The following ZFYVE16 variants were observed in gnomAD, a reference collection of about 807,000 sequenced individuals.
ZFYVE16 encodes the protein zinc finger FYVE-type containing 16, also known as zinc finger FYVE domain-containing protein 16.
In ZFYVE16, 89 loss-of-function variants were observed where a neutral mutation model predicts 138.1. The ratio of observed to expected loss-of-function variants is 0.64; its 90% CI spans 0.54 to 0.77. The LOEUF (loss-of-function observed/expected upper bound fraction) is 0.77, where lower values mean the gene tolerates loss of function less well. Ranked by LOEUF, ZFYVE16 falls within the 30% of genes least tolerant of loss-of-function variation. The probability of loss-of-function intolerance (pLI) is 0.00; values close to 1 mark genes in which losing one functional copy is unlikely to be tolerated. For missense variants in ZFYVE16, 1,793 were observed against 1,786.7 expected (o/e 1.00, Z -0.06); for synonymous variants, 596 against 618.3 (o/e 0.96, Z 0.53).
intron 4 of ZFYVE16, among the ~76,000 whole-genome samples, 173 bp from the exon 5 acceptor site, chr5:80,439,763 G>A (rs1192863480): frequency 1.3e-5 from 2 of 151,816 alleles, no homozygotes; most frequent in East Asian, 3.9e-4. Context: ...CCTCATTTAA[G>A]TTACAAAAAA....
chr5:80,447,134 C>T (rs896252106), intron 7 of ZFYVE16, among the ~76,000 whole-genome samples: 2 of 151,870 alleles, frequency 1.3e-5, no homozygotes, highest in African/African-American at 4.8e-5. Flanking sequence ...TATTGTGGCG[C>T]ATGCCTGTAG....
chr5:80,448,505 C>T (rs961436313), intron 8 of ZFYVE16, 101 bp downstream of exon 8: 13 of 1,162,368 alleles, frequency 1.1e-5, no homozygotes, highest in African/African-American at 1.6e-5. Flanking sequence ...AGTTTGGTTG[C>T]AATATGTACT....
chr5:80,480,899 C>CA lies in ZFYVE16; in HGVS notation c.*3530dup, dbSNP rs1001680012. On this transcript the variant is annotated 3_prime_UTR_variant, in exon 19 of 19. Coordinates refer to ENST00000505560, the MANE Select transcript of ZFYVE16 (RefSeq NM_001284236.3). ...CGTGCAACAGAGCAAAACCTTGTCT[C>CA]AAAAAAAAGGAAAAAGAAAAAAGAC... Among the ~76,000 whole-genome samples the CA allele has an allele frequency of 1.9e-4, 29 of 150,402 alleles. No individual in the cohort carries two copies. The highest frequency in any genetic ancestry group is 3.4e-3 in the Middle Eastern group (1 of 294).
intron 15 of ZFYVE16, among the ~76,000 whole-genome samples, 188 bp from the exon 16 acceptor site, chr5:80,472,573 T>TA (rs33928816): frequency 2.0e-5 from 3 of 151,618 alleles, no homozygotes; most frequent in Admixed American, 6.6e-5. Context: ...GTTTTAACCT[T>TA]AAAAAAAAAA....
Position 80,438,794 on chromosome 5 carries a change from T to C in ZFYVE16, c.2109T>C (p.Ser703=), listed in dbSNP as rs1221969230. The C allele has an allele frequency of 5.0e-6, 8 of 1,614,136 alleles. No homozygotes were observed. The highest frequency in any genetic ancestry group is 2.2e-5 in the East Asian group (1 of 44,874). ...STADPQVSFN[S]NYIDIESNSE... ...CTGATCCACAGGTTAGCTTCAACTC[T>C]AATTACATTGATATAGAAAGTAATT... The change falls in exon 4 of 19, where the codon TCT becomes TCC. Residue 703 remains serine, a synonymous_variant. Coordinates refer to ENST00000505560, the MANE Select transcript of ZFYVE16 (RefSeq NM_001284236.3).
intron 1 of ZFYVE16, among the ~76,000 whole-genome samples, chr5:80,424,249 C>T (rs1297797323): frequency 6.6e-6 from 1 of 151,962 alleles, no homozygotes; most frequent in African/African-American, 2.4e-5. Context: ...TGTCACTGTC[C>T]CTTAAACAGT....
rs775111725 is a variant in ZFYVE16 at position 80,443,192 on chromosome 5, C to T, written c.2489C>T (p.Thr830Ile). Reference sequence around the variant, plus strand: ...AAGTCTAATCATTCTGATGAATGTACTACTGTCCAGCCTCCTCAGGAGAAC... The same window carrying T: ...AAGTCTAATCATTCTGATGAATGTATTACTGTCCAGCCTCCTCAGGAGAAC... Reference protein sequence around the residue: ...NLKSNHSDECTTVQPPQENQT... With the variant: ...NLKSNHSDECITVQPPQENQT... Residue 830 changes from threonine to isoleucine, a missense_variant, in exon 6 of 19, where the codon ACT (threonine) becomes ATT (isoleucine). Thr to Ile is a moderately conservative substitution (Grantham distance 89). Coordinates refer to ENST00000505560, the MANE Select transcript of ZFYVE16 (RefSeq NM_001284236.3). 21 of 1,608,040 alleles carry T rather than the reference C, an allele frequency of 1.3e-5. No individual in the cohort carries two copies. Among genetic ancestry groups the T allele is most frequent in the Non-Finnish European group, 1.7e-5 (20 of 1,178,616 alleles).
chr5:80,431,944 C>G (rs553877280), intron 2 of ZFYVE16, among the ~76,000 whole-genome samples: 2 of 152,256 alleles, frequency 1.3e-5, no homozygotes, highest in South Asian at 2.1e-4. Flanking sequence ...AGGATACAAA[C>G]AAATGGAAGA....
intron 1 of ZFYVE16, among the ~76,000 whole-genome samples, chr5:80,413,013 A>T (rs970100857): frequency 1.3e-5 from 2 of 151,646 alleles, no homozygotes; most frequent in African/African-American, 4.9e-5. Flanking sequence ...TGTCTCCACA[A>T]AAAATAAACA....
rs1580397979 is a variant in ZFYVE16, at chr5:80,482,486, T to A, written c.*5109T>A. ...AGAAAGAACAATTGGAAGAAAAAAA[T>A]ATCTGAAGAAATAATAGCTAAAAAC... On this transcript the variant is annotated 3_prime_UTR_variant, in exon 19 of 19. Coordinates refer to ENST00000505560, the MANE Select transcript of ZFYVE16 (RefSeq NM_001284236.3). The A allele has an allele frequency of 6.6e-6, 1 of 152,020 alleles. No homozygotes were observed. Among genetic ancestry groups the A allele is most frequent in the Non-Finnish European group, 1.5e-5 (1 of 68,004 alleles). The allele number at this position is 152,020 out of a possible 1,614,324, so 9.4% of individuals were successfully genotyped here. A position where few individuals can be genotyped will look rare whatever the true frequency, so the allele number is the denominator to read the frequency against.
At chr5:80,458,032 TAA>T (rs749338847) in intron 14 of ZFYVE16, among the ~76,000 whole-genome samples, 19 of 73,634 alleles carry the variant, frequency 2.6e-4, no homozygotes, top group Admixed American at 5.0e-4. Flanking sequence ...AGACTACGTC[TAA>T]AAAAAAAAAA....
At chr5:80,411,426 T>C in intron 1 of ZFYVE16, among the ~76,000 whole-genome samples, 1 of 152,336 alleles carries the variant, frequency 6.6e-6, no homozygotes, top group Middle Eastern at 3.4e-3. Flanking sequence ...ATGCATTTGT[T>C]AATTTTTTTT....
rs1755308832 is a variant in ZFYVE16, at chr5:80,482,533, C to T, written c.*5156C>T. On this transcript the variant is annotated 3_prime_UTR_variant, in exon 19 of 19. Coordinates refer to ENST00000505560, the MANE Select transcript of ZFYVE16 (RefSeq NM_001284236.3). ...AAACTTCCAAACATCTGGCAAAAAA[C>T]AAATATTCACATACATTTACATAGC... 1 of 152,178 alleles carries T rather than the reference C, an allele frequency of 6.6e-6. No individual in the cohort carries two copies. The highest frequency in any genetic ancestry group is 1.9e-4 in the East Asian group (1 of 5,204). The allele number at this position is 152,178 out of a possible 1,614,324, so 9.4% of individuals were successfully genotyped here. A position where few individuals can be genotyped will look rare whatever the true frequency, so the allele number is the denominator to read the frequency against.
intron 15 of ZFYVE16, among the ~76,000 whole-genome samples, chr5:80,463,130 C>T (rs1753310101): frequency 6.6e-6 from 1 of 152,222 alleles, no homozygotes; most frequent in Non-Finnish European, 1.5e-5. Context: ...CTCACAGCTC[C>T]ACTAGGCAGT....
At chr5:80,434,501 A>C (rs186215407) in intron 3 of ZFYVE16, among the ~76,000 whole-genome samples, 70 of 152,164 alleles carry the variant, frequency 4.6e-4, no homozygotes, top group African/African-American at 1.6e-3. Context: ...TTTTGAGACA[A>C]AGTCTCATTC....
intron 15 of ZFYVE16, among the ~76,000 whole-genome samples, chr5:80,469,767 A>C: frequency 1.3e-5 from 2 of 148,326 alleles, no homozygotes; most frequent in Middle Eastern, 7.1e-3. Flanking sequence ...TGTGTTCTTC[A>C]GATTGGATAC....
At chr5:80,440,115 T>C (rs1343139404) in intron 5 of ZFYVE16, 83 bp downstream of exon 5, 12 of 1,461,974 alleles carry the variant, frequency 8.2e-6, no homozygotes, top group Non-Finnish European at 1.1e-5. Flanking sequence ...TAAACTTCTT[T>C]ATTTTCTTAA....
intron 15 of ZFYVE16, among the ~76,000 whole-genome samples, chr5:80,468,358 T>C (rs1217229210): frequency 6.6e-6 from 1 of 152,186 alleles, no homozygotes; most frequent in East Asian, 1.9e-4. Flanking sequence ...CTTCATAGAG[T>C]GCACTTACAC....
rs1342370874 is a variant in ZFYVE16 at position 80,482,711 on chromosome 5, G to C, written c.*5334G>C. The C allele has an allele frequency of 1.3e-5, 2 of 152,122 alleles. No individual in the cohort carries two copies. Among genetic ancestry groups the C allele is most frequent in the Non-Finnish European group, 2.9e-5 (2 of 68,036 alleles). The allele number at this position is 152,122 out of a possible 1,614,324, so 9.4% of individuals were successfully genotyped here. ...ACACTTTGTATATAGGAGAACCAAAGATTTCAGTGATGGCAGATTTCTCAT... is the reference window on the plus strand; with the variant it reads ...ACACTTTGTATATAGGAGAACCAAACATTTCAGTGATGGCAGATTTCTCAT... On this transcript the variant is annotated 3_prime_UTR_variant, in exon 19 of 19. Transcript: ENST00000505560.
Sources: gnomAD v4.1 joint callset for allele counts (sites outside exome capture counted in the v4.1 genomes callset) on GRCh38, gnomAD v4.1.1 for gene constraint, MANE v1.5 for transcripts, NCBI Gene and HGNC (gene_info 2026-07-23, HGNC 2026-07-21) for gene names.